The following BICC1 variants were observed in gnomAD, a reference collection of about 807,000 sequenced individuals.
BICC1 encodes protein bicaudal C homolog 1.
Under a neutral mutation model 111.0 loss-of-function variants are expected in BICC1, and 43 were observed. That is an observed-to-expected ratio of 0.39 (90% CI 0.30 to 0.50). The LOEUF (loss-of-function observed/expected upper bound fraction) is 0.50. Ranked by LOEUF, BICC1 falls within the 20% of genes least tolerant of loss-of-function variation. The pLI is 0.88. For missense variants in BICC1, 1,091 were observed against 1,203.2 expected (o/e 0.91, Z 1.38); for synonymous variants, 467 against 434.4 (o/e 1.07, Z -0.93).
intron 2 of BICC1, among the ~76,000 whole-genome samples, chr10:58,623,399 G>A (rs1397208711): frequency 2.7e-5 from 4 of 147,836 alleles, no homozygotes; most frequent in East Asian, 2.0e-4. Flanking sequence ...TTGAGTCAAC[G>A]TTACTGTTTT....
chr10:58,767,874 A>G (rs1379519935), intron 3 of BICC1, among the ~76,000 whole-genome samples: 1 of 152,026 alleles, frequency 6.6e-6, no homozygotes, highest in Non-Finnish European at 1.5e-5. Context: ...AGCAGAAGAA[A>G]GGATCTGTGA....
rs1173273071 is a variant in BICC1 at position 58,551,961 on chromosome 10, T to C, written c.190+38628T>C. Among the ~76,000 whole-genome samples, 3 of 106,742 alleles carry C rather than the reference T, an allele frequency of 2.8e-5. No individual in the cohort carries two copies. In the South Asian group the frequency reaches 9.2e-4, roughly 33 times the overall value. 70.0% of individuals were successfully genotyped at this position (106,742 alleles called of 152,430 possible). On this transcript the variant is annotated intron_variant, in intron 1 of 20. Transcript: ENST00000373886. ...TATAAAATATATAAAGACAAGTTTT[T>C]TTTGGGGGGGGATAGACTCTCCCTT... is the stretch of plus-strand genomic sequence containing the variant.
At chr10:58,659,764 T>G (rs561569398) in intron 2 of BICC1, among the ~76,000 whole-genome samples, 1 of 152,252 alleles carries the variant, frequency 6.6e-6, no homozygotes, top group African/African-American at 2.4e-5. Flanking sequence ...GTCAAGTGAC[T>G]GATAAAAGTA....
At chr10:58,809,455 G>T (rs868032427) in intron 17 of BICC1, among the ~76,000 whole-genome samples, 3 of 151,886 alleles carry the variant, frequency 2.0e-5, no homozygotes, top group South Asian at 2.1e-4. Context: ...GCCAAGGCTG[G>T]TCTCAAACTG....
rs772895381 is a variant in BICC1, at chr10:58,800,257, A to G, written c.1789A>G (p.Asn597Asp). Residue 597 changes from asparagine to aspartate, a missense_variant, in exon 13 of 21, where the codon AAT (asparagine) becomes GAT (aspartate). Around this residue, in one of 3 missense-constraint regions of BICC1, gnomAD observed 843 missense variants for 900.8 expected, o/e 0.94. Coordinates refer to ENST00000373886, the MANE Select transcript of BICC1 (RefSeq NM_001080512.3). ...ACTTGGAGAAAAAGTGCTGAGTGCA[A>G]ATCACGGGGATCCGTCCATCCAGAC... The part of the protein sequence containing the change: ...SSLGEKVLSA[N>D]HGDPSIQTSG... The G allele has an allele frequency of 1.9e-6, 3 of 1,613,528 alleles. No homozygotes were observed. In the South Asian group the frequency reaches 3.3e-5, roughly 18 times the overall value.
intron 2 of BICC1, among the ~76,000 whole-genome samples, chr10:58,649,637 A>G (rs1838381258): frequency 6.6e-6 from 1 of 152,208 alleles, no homozygotes; most frequent in South Asian, 2.1e-4. Flanking sequence ...GAAGCAGTGG[A>G]AAGAGAATTG....
chr10:58,564,563 T>C (rs1042191249), intron 1 of BICC1, among the ~76,000 whole-genome samples: 1 of 152,224 alleles, frequency 6.6e-6, no homozygotes, highest in African/African-American at 2.4e-5. Flanking sequence ...TTTCTACCTT[T>C]TCCCCTTGGA....
intron 20 of BICC1, chr10:58,823,247 G>T (rs906700547): frequency 2.0e-6 from 2 of 985,212 alleles, no homozygotes; most frequent in Admixed American, 6.1e-5. Context: ...GTTCAGATCC[G>T]CAACAAGATC....
At chr10:58,783,755 G>T (rs1842940592) in intron 3 of BICC1, among the ~76,000 whole-genome samples, 1 of 152,288 alleles carries the variant, frequency 6.6e-6, no homozygotes, top group African/African-American at 2.4e-5. Flanking sequence ...CAGTAAGGTT[G>T]AGACATGATC....
intron 3 of BICC1, among the ~76,000 whole-genome samples, chr10:58,735,871 C>T (rs914370192): frequency 4.5e-4 from 68 of 152,306 alleles, no homozygotes; most frequent in African/African-American, 1.5e-3. Context: ...ATTCTTAGCT[C>T]GACCCCAAAT....
At chr10:58,526,052 T>C (rs1487165247) in intron 1 of BICC1, among the ~76,000 whole-genome samples, 2 of 151,940 alleles carry the variant, frequency 1.3e-5, no homozygotes, top group Non-Finnish European at 2.9e-5. Context: ...TACTGAAGAA[T>C]GATGGTAGTT....
chr10:58,629,577 C>T (rs1837733038), intron 2 of BICC1, among the ~76,000 whole-genome samples: 1 of 152,140 alleles, frequency 6.6e-6, no homozygotes, highest in Admixed American at 6.5e-5. Flanking sequence ...AATTAATATA[C>T]TAAATAAATG....
chr10:58,741,773 G>T (rs1841675348), intron 3 of BICC1, among the ~76,000 whole-genome samples: 4 of 152,182 alleles, frequency 2.6e-5, no homozygotes, highest in Admixed American at 2.0e-4. Flanking sequence ...TTGTAGTTCT[G>T]TTGAAATTGT....
chr10:58,578,896 C>T (rs1463709058), intron 1 of BICC1, among the ~76,000 whole-genome samples: 1 of 152,136 alleles, frequency 6.6e-6, no homozygotes, highest in East Asian at 1.9e-4. Flanking sequence ...TGTGCCCTCA[C>T]CTCTCGTACA....
At chr10:58,599,100 C>CAGTGAAG (rs1844935865) in intron 1 of BICC1, among the ~76,000 whole-genome samples, 1 of 152,142 alleles carries the variant, frequency 6.6e-6, no homozygotes, top group Non-Finnish European at 1.5e-5. Flanking sequence ...AGCAATTCCT[C>CAGTGAAG]AAGGATATAG....
rs1564636324 is a variant in BICC1 at position 58,828,901 on chromosome 10, C to G, written c.*10C>G. 1 of 1,613,610 alleles carries G rather than the reference C, an allele frequency of 6.2e-7. No individual in the cohort carries two copies. The highest frequency in any genetic ancestry group is 8.5e-7 in the Non-Finnish European group (1 of 1,179,680). ...CAGTGGCCGCTGGTAGCAGCACCCTCTTGGCACATGCCCGCTGACTAACTG... is the reference window on the plus strand; with the variant it reads ...CAGTGGCCGCTGGTAGCAGCACCCTGTTGGCACATGCCCGCTGACTAACTG... On this transcript the variant is annotated 3_prime_UTR_variant, in exon 21 of 21. Coordinates refer to ENST00000373886, the MANE Select transcript of BICC1 (RefSeq NM_001080512.3).
chr10:58,642,328 T>C (rs563808685), intron 2 of BICC1, among the ~76,000 whole-genome samples: 1 of 152,220 alleles, frequency 6.6e-6, no homozygotes, highest in South Asian at 2.1e-4. Context: ...AGTACTGTCA[T>C]TATGTAGATC....
At chr10:58,616,352 A>G (rs1845606261) in intron 1 of BICC1, among the ~76,000 whole-genome samples, 1 of 152,236 alleles carries the variant, frequency 6.6e-6, no homozygotes, top group South Asian at 2.1e-4. Flanking sequence ...CTGAGAGAAA[A>G]TTGATAAACA....
chr10:58,517,424 A>G (rs993906244), intron 1 of BICC1, among the ~76,000 whole-genome samples: 4 of 152,176 alleles, frequency 2.6e-5, no homozygotes, highest in African/African-American at 4.8e-5. Flanking sequence ...TAATTCAGCA[A>G]ACTTTAGTGG....
Sources: gnomAD v4.1 joint callset for allele counts (sites outside exome capture counted in the v4.1 genomes callset) on GRCh38, gnomAD v4.1.1 for gene constraint, gnomAD v4.1.1 regional missense constraint, MANE v1.5 for transcripts, NCBI Gene and HGNC (gene_info 2026-07-23, HGNC 2026-07-21) for gene names.